The following CEP57L1 variants were observed in gnomAD, a reference collection of about 807,000 sequenced individuals.
CEP57L1 encodes centrosomal protein CEP57L1.
In CEP57L1, 37 loss-of-function variants were observed where a neutral mutation model predicts 61.0. The observed-to-expected ratio is 0.61, with a 90% CI of 0.47 to 0.80. The LOEUF (loss-of-function observed/expected upper bound fraction) is 0.80. CEP57L1 is among the 30% of genes least tolerant of loss of function. The pLI is 0.00. For missense variants in CEP57L1, 422 were observed against 524.7 expected (o/e 0.80, Z 1.91); for synonymous variants, 137 against 162.3 (o/e 0.84, Z 1.19).
chr6:109,116,822 A>C (rs1772362932), intron 1 of CEP57L1, among the ~76,000 whole-genome samples: 1 of 152,176 alleles, frequency 6.6e-6, no homozygotes, highest in African/African-American at 2.4e-5. Context: ...CCTGTTTCTT[A>C]ATGAAAAAAT....
At chr6:109,142,533 TAACA>T (rs1771497912) in intron 1 of CEP57L1, among the ~76,000 whole-genome samples, 1 of 152,138 alleles carries the variant, frequency 6.6e-6, no homozygotes, top group Non-Finnish European at 1.5e-5. Context: ...TATACCTATG[TAACA>T]AACCTGCACG....
intron 1 of CEP57L1, among the ~76,000 whole-genome samples, chr6:109,117,739 G>T (rs1583436258): frequency 6.6e-6 from 1 of 152,260 alleles, no homozygotes; most frequent in East Asian, 1.9e-4. Context: ...TTACTAAATA[G>T]ACATTGCAAT....
At chr6:109,158,867 T>C (rs1237219552) in intron 7 of CEP57L1, 158 bp from the exon 8 acceptor site, 6 of 662,446 alleles carry the variant, frequency 9.1e-6, no homozygotes, top group African/African-American at 1.8e-5. Flanking sequence ...TCTTTTCGTA[T>C]GTTTGTCATA....
intron 4 of CEP57L1, among the ~76,000 whole-genome samples, chr6:109,150,621 C>T (rs987223293): frequency 1.3e-5 from 2 of 148,696 alleles, no homozygotes; most frequent in Admixed American, 6.8e-5. Flanking sequence ...GAGATTGTGC[C>T]GTTGCACTGC....
rs1360686855 is a variant in CEP57L1 at position 109,163,540 on chromosome 6, A to G, written c.*570A>G. 6.6e-6 allele frequency: 1 copy of G among 152,156 alleles called. No individual in the cohort carries two copies. The highest frequency in any genetic ancestry group is 2.4e-5 in the African/African-American group (1 of 41,458). 9.4% of individuals were successfully genotyped at this position (152,156 alleles called of 1,614,324 possible). A position where few individuals can be genotyped will look rare whatever the true frequency, so the allele number is the denominator to read the frequency against. On this transcript the variant is annotated 3_prime_UTR_variant, in exon 11 of 11. Transcript: ENST00000517392. ...CCTATAGCTACTTAATTTTTAGGAG[A>G]CAGTAATTCAGTTGCAGAAGCTTTC...
In CEP57L1 at chr6:109,130,364, G is replaced by A. The variant is rs76710294; in HGVS notation, c.-3-14855G>A. 8.3e-3 allele frequency among the ~76,000 whole-genome samples: 1,261 copies of A among 152,036 alleles called. 23 individuals are homozygous for A. Among genetic ancestry groups the A allele is most frequent in the African/African-American group, 0.029 (1,213 of 41,438 alleles). On this transcript the variant is annotated intron_variant, in intron 1 of 10. Coordinates refer to ENST00000517392, the MANE Select transcript of CEP57L1 (RefSeq NM_001271852.3). The stretch of plus-strand genomic sequence containing the variant: ...TTCTGTGATTGGTTTATTTCACTTA[G>A]CATCATATCTTCAAGGTTCATCAAA...
In CEP57L1 at chr6:109,155,748, A is replaced by G. The variant is rs137948158; in HGVS notation, c.658-43A>G. 1.8e-3 allele frequency: 1,776 copies of G among 980,548 alleles called. 24 individuals carry two copies. In the African/African-American group the frequency reaches 0.026, roughly 14 times the overall value. 60.7% of individuals were successfully genotyped at this position (980,548 alleles called of 1,614,324 possible). A position where few individuals can be genotyped will look rare whatever the true frequency, so the allele number is the denominator to read the frequency against. ...TGATATCTCATTACAGTGTTTTTGCATGTTACAAATCAATGTTATAACCTT... is the reference window on the plus strand; with the variant it reads ...TGATATCTCATTACAGTGTTTTTGCGTGTTACAAATCAATGTTATAACCTT... On this transcript the variant is annotated intron_variant, in intron 6 of 10. Coordinates refer to ENST00000517392, the MANE Select transcript of CEP57L1 (RefSeq NM_001271852.3).
intron 1 of CEP57L1, among the ~76,000 whole-genome samples, chr6:109,130,533 T>A (rs1424606733): frequency 6.6e-6 from 1 of 152,028 alleles, no homozygotes; most frequent in African/African-American, 2.4e-5. Flanking sequence ...TCTACGAACA[T>A]AGGTATACAA....
intron 7 of CEP57L1, chr6:109,156,814 C>T (rs1773262475): frequency 1.3e-5 from 2 of 152,048 alleles, no homozygotes; most frequent in African/African-American, 4.8e-5. Flanking sequence ...CTGTATTTTT[C>T]ATAATTTTTT....
At chr6:109,157,972 T>G (rs1773376034) in intron 7 of CEP57L1, 1 of 152,208 alleles carries the variant, frequency 6.6e-6, no homozygotes, top group East Asian at 1.9e-4. Context: ...TAGCTACACA[T>G]CCCCTTCCCT....
chr6:109,109,452 A>G (rs537651566), intron 1 of CEP57L1, among the ~76,000 whole-genome samples: 3 of 152,328 alleles, frequency 2.0e-5, no homozygotes, highest in East Asian at 1.9e-4. Context: ...CCAGTGTTCC[A>G]TAGAGCAAGT....
chr6:109,128,486 T>C (rs1773824428), intron 1 of CEP57L1, among the ~76,000 whole-genome samples: 1 of 152,222 alleles, frequency 6.6e-6, no homozygotes, highest in Non-Finnish European at 1.5e-5. Flanking sequence ...CCTCTTAATT[T>C]GTCCATCTGC....
chr6:109,152,846 C>T (rs374854387), intron 4 of CEP57L1, among the ~76,000 whole-genome samples: 5 of 152,022 alleles, frequency 3.3e-5, no homozygotes, highest in African/African-American at 4.8e-5. Flanking sequence ...TGGTAGCTCA[C>T]GCCTGTAATC....
intron 3 of CEP57L1, among the ~76,000 whole-genome samples, chr6:109,147,506 TC>T (rs1583599435): frequency 6.6e-6 from 1 of 152,192 alleles, no homozygotes; most frequent in East Asian, 1.9e-4. Context: ...CTTAAGACTT[TC>T]TTTTTCCTTT....
At chr6:109,158,489 A>G in intron 7 of CEP57L1, 1 of 244,026 alleles carries the variant, frequency 4.1e-6, no homozygotes, top group African/African-American at 2.5e-5. Context: ...ACCCTATCTC[A>G]AAAAAAAAAG....
chr6:109,156,636 G>A (rs1761231269), intron 7 of CEP57L1: 1 of 152,104 alleles, frequency 6.6e-6, no homozygotes, highest in Non-Finnish European at 1.5e-5. Flanking sequence ...AGATATGAAT[G>A]GAGTGAGTGT....
intron 1 of CEP57L1, among the ~76,000 whole-genome samples, chr6:109,104,621 G>T (rs1257094128): frequency 6.6e-6 from 1 of 152,014 alleles, no homozygotes; most frequent in African/African-American, 2.4e-5. Flanking sequence ...CCACTCTGTT[G>T]CCCAGACCAG....
intron 4 of CEP57L1, 47 bp from the exon 5 acceptor site, chr6:109,153,786 A>C (rs1333595389): frequency 9.6e-7 from 1 of 1,039,432 alleles, no homozygotes; most frequent in South Asian, 1.3e-5. Context: ...TTCCATTGGC[A>C]TTACTTGCCA....
intron 1 of CEP57L1, among the ~76,000 whole-genome samples, chr6:109,108,097 A>G (rs1375143487): frequency 2.0e-5 from 3 of 152,212 alleles, no homozygotes; most frequent in Non-Finnish European, 1.5e-5. Flanking sequence ...AATTAGGACA[A>G]GATCCCAGAA....
Sources: allele counts gnomAD v4.1 joint callset (sites outside exome capture counted in the v4.1 genomes callset), GRCh38; gene constraint gnomAD v4.1.1; transcripts MANE v1.5; gene names NCBI Gene and HGNC (gene_info 2026-07-23, HGNC 2026-07-21).